The following STIM1 variants were observed in gnomAD, a reference collection of about 807,000 sequenced individuals.
STIM1 encodes the protein stromal interaction molecule 1.
Under a neutral mutation model 74.7 loss-of-function variants are expected in STIM1, and 25 were observed. That is an observed-to-expected ratio of 0.33 (90% CI 0.24 to 0.47). The LOEUF is 0.47. Among genes scored for constraint, STIM1 ranks in the 20% least tolerant of loss-of-function variants. The pLI is 1.00. For synonymous variants in STIM1, 328 were observed against 348.8 expected (o/e 0.94, Z 0.66); for missense variants, 728 against 920.8 (o/e 0.79, Z 2.71).
intron 1 of STIM1, among the ~76,000 whole-genome samples, chr11:3,882,223 C>T (rs1447473505): frequency 6.6e-6 from 1 of 151,634 alleles, no homozygotes; most frequent in East Asian, 1.9e-4. Flanking sequence ...CCTCAGCCTC[C>T]CGAGTAGCTG....
In STIM1 at chr11:4,027,606, G is replaced by A. The variant is rs578155844; in HGVS notation, c.385+3619G>A. 2.0e-5 allele frequency among the ~76,000 whole-genome samples: 3 copies of A among 152,284 alleles called. No homozygotes were observed. The East Asian group carries it at 5.8e-4, about 29-fold the overall frequency. Reference sequence around the variant, plus strand: ...TGGGATTATAGGTGTGAACCACCGTGCCTGGGGAATTGGCCTTTTCTAATT... The same window carrying A: ...TGGGATTATAGGTGTGAACCACCGTACCTGGGGAATTGGCCTTTTCTAATT... On this transcript the variant is annotated intron_variant, in intron 3 of 12. Coordinates refer to ENST00000526596, the MANE Select transcript of STIM1 (RefSeq NM_001382567.1).
At chr11:3,920,631 A>G (rs900868683) in intron 1 of STIM1, among the ~76,000 whole-genome samples, 27 of 152,122 alleles carry the variant, frequency 1.8e-4, no homozygotes, top group Non-Finnish European at 1.3e-4. Flanking sequence ...CCCATACTGG[A>G]TACTTGACCT....
chr11:4,009,327 T>C (rs1236533068), intron 2 of STIM1, among the ~76,000 whole-genome samples: 3 of 147,900 alleles, frequency 2.0e-5, no homozygotes, highest in Non-Finnish European at 4.5e-5. Flanking sequence ...TAAAATTAAT[T>C]TGTGGCCGGG....
intron 1 of STIM1, among the ~76,000 whole-genome samples, chr11:3,941,696 A>AGAGAGAGAGAGAGAGAGAGAGAGTGT (rs1214690521): frequency 1.4e-5 from 2 of 141,882 alleles, no homozygotes; most frequent in African/African-American, 5.3e-5. Flanking sequence ...AGAGAGAGAG[A>AGAGAGAGAGAGAGAGAGAGAGAGTGT]GTGTGTGTGT....
chr11:3,955,222 G>C (rs1590598041), intron 1 of STIM1, among the ~76,000 whole-genome samples: 1 of 152,318 alleles, frequency 6.6e-6, no homozygotes, highest in East Asian at 1.9e-4. Context: ...TGGGGAGGGA[G>C]AATGAGGGTT....
At chr11:3,998,760 A>G (rs373317043) in intron 2 of STIM1, among the ~76,000 whole-genome samples, 1 of 152,168 alleles carries the variant, frequency 6.6e-6, no homozygotes, top group Admixed American at 6.5e-5. Context: ...AAAACTTCAC[A>G]GAAGGCAGTG....
chr11:3,871,839 C>T (rs1201250889), intron 1 of STIM1, among the ~76,000 whole-genome samples: 1 of 152,138 alleles, frequency 6.6e-6, no homozygotes, highest in African/African-American at 2.4e-5. Flanking sequence ...GTGGGGATAA[C>T]AGAATCTATC....
chr11:4,020,159 GT>G (rs781598135), intron 2 of STIM1, among the ~76,000 whole-genome samples: 40 of 152,302 alleles, frequency 2.6e-4, no homozygotes, highest in Admixed American at 4.6e-4. Flanking sequence ...ATGGTATGCT[GT>G]TGTGTAAATA....
At chr11:4,078,712 A>G (rs571340160) in intron 7 of STIM1, among the ~76,000 whole-genome samples, 4 of 151,960 alleles carry the variant, frequency 2.6e-5, no homozygotes, top group South Asian at 4.2e-4. Flanking sequence ...CTGGGATTAC[A>G]GGTGCCTGCC....
chr11:3,943,165 A>G (rs1001661005), intron 1 of STIM1, among the ~76,000 whole-genome samples: 1 of 152,182 alleles, frequency 6.6e-6, no homozygotes, highest in Non-Finnish European at 1.5e-5. Context: ...TCCTAAGGCC[A>G]AGCTCTGAGG....
At chr11:3,916,320 T>C (rs1241254603) in intron 1 of STIM1, among the ~76,000 whole-genome samples, 1 of 152,032 alleles carries the variant, frequency 6.6e-6, no homozygotes, top group African/African-American at 2.4e-5. Context: ...AGAGTCTCGC[T>C]TTGTTGCCCA....
chr11:4,084,167 T>C (rs2094479919), intron 10 of STIM1, among the ~76,000 whole-genome samples: 1 of 152,230 alleles, frequency 6.6e-6, no homozygotes, highest in Non-Finnish European at 1.5e-5. Context: ...AATTCTTCAG[T>C]GAATGAAGGG....
At chr11:3,999,126 G>T (rs2093688534) in intron 2 of STIM1, among the ~76,000 whole-genome samples, 1 of 152,192 alleles carries the variant, frequency 6.6e-6, no homozygotes, top group African/African-American at 2.4e-5. Flanking sequence ...CAGGAGGATT[G>T]CTTGAGTCTA....
chr11:3,902,962 C>G (rs1214774511), intron 1 of STIM1, among the ~76,000 whole-genome samples: 1 of 152,148 alleles, frequency 6.6e-6, no homozygotes, highest in Non-Finnish European at 1.5e-5. Flanking sequence ...CTATGAATGA[C>G]AGAGGGACTT....
At chr11:3,916,280 C>A (rs2092641044) in intron 1 of STIM1, among the ~76,000 whole-genome samples, 1 of 149,236 alleles carries the variant, frequency 6.7e-6, no homozygotes, top group South Asian at 2.1e-4. Context: ...CCAATCCAGT[C>A]AGTAATGTTT....
At chr11:4,014,115 T>G (rs535660255) in intron 2 of STIM1, among the ~76,000 whole-genome samples, 2 of 152,330 alleles carry the variant, frequency 1.3e-5, no homozygotes, top group African/African-American at 4.8e-5. Context: ...TTGCCATTTC[T>G]TCTCTAGTTC....
chr11:4,019,791 TG>T (rs2093938791), intron 2 of STIM1, among the ~76,000 whole-genome samples: 1 of 152,252 alleles, frequency 6.6e-6, no homozygotes, highest in Admixed American at 6.5e-5. Flanking sequence ...CATTTCTTTG[TG>T]GTGAACATTC....
chr11:3,874,751 C>T (rs1466656234), intron 1 of STIM1, among the ~76,000 whole-genome samples: 1 of 152,172 alleles, frequency 6.6e-6, no homozygotes, highest in Non-Finnish European at 1.5e-5. Flanking sequence ...TATTCCCGCT[C>T]CTGCAAGATT....
intron 11 of STIM1, among the ~76,000 whole-genome samples, chr11:4,085,186 G>A (rs10835601): frequency 0.26 from 36,908 of 143,132 alleles, 5,582 homozygotes; most frequent in South Asian, 0.45. Context: ...CCTCTCTTTC[G>A]TACCTTGAAA....
Sources: allele counts gnomAD v4.1 joint callset (sites outside exome capture counted in the v4.1 genomes callset), GRCh38; gene constraint gnomAD v4.1.1; transcripts MANE v1.5; gene names NCBI Gene and HGNC (gene_info 2026-07-23, HGNC 2026-07-21).